Variants in TMEM74 observed in about 807,000 individuals in gnomAD.
TMEM74 encodes transmembrane protein 74.
In TMEM74, 13 loss-of-function variants were observed where a neutral mutation model predicts 18.1. The ratio of observed to expected loss-of-function variants is 0.72; its 90% CI spans 0.47 to 1.14. TMEM74 has a LOEUF of 1.14. TMEM74 is among the 50% of genes most tolerant of loss of function. TMEM74 has a pLI of 0.00. For missense variants in TMEM74, 372 were observed against 375.9 expected, an observed-to-expected ratio of 0.99 and a Z score of 0.09; for synonymous variants, 159 against 146.6, an observed-to-expected ratio of 1.08 and a Z score of -0.61.
intron 1 of TMEM74, among the ~76,000 whole-genome samples, chr8:108,658,559 A>G (rs1055749034): frequency 5.9e-5 from 9 of 152,212 alleles, no homozygotes; most frequent in African/African-American, 2.2e-4. Flanking sequence ...AGGAAAGCCA[A>G]AATATCAAAT....
At chr8:108,660,796 C>T (rs1404357515) in intron 1 of TMEM74, among the ~76,000 whole-genome samples, 1 of 152,048 alleles carries the variant, frequency 6.6e-6, no homozygotes, top group East Asian at 1.9e-4. Flanking sequence ...GCAGGTAACT[C>T]AGTTCACTGG....
chr8:108,636,156 A>G (rs147175095), intron 2 of TMEM74, among the ~76,000 whole-genome samples: 86 of 152,184 alleles, frequency 5.7e-4, no homozygotes, highest in African/African-American at 1.9e-3. Flanking sequence ...GAGTAAGTGA[A>G]TATATGCTGA....
chr8:108,652,016 A>C (rs1159440584), intron 2 of TMEM74, among the ~76,000 whole-genome samples: 1 of 151,558 alleles, frequency 6.6e-6, no homozygotes, highest in East Asian at 1.9e-4. Context: ...ATCATGCCAC[A>C]TTTCAGTCTT....
chr8:108,647,950 A>G (rs1005081700), intron 2 of TMEM74, among the ~76,000 whole-genome samples: 1 of 152,138 alleles, frequency 6.6e-6, no homozygotes, highest in Non-Finnish European at 1.5e-5. Flanking sequence ...AGGGGTAAAC[A>G]ATTTGGCCAG....
chr8:108,738,391 T>C (rs954063240), intron 1 of TMEM74, among the ~76,000 whole-genome samples: 2 of 152,204 alleles, frequency 1.3e-5, no homozygotes, highest in Admixed American at 6.5e-5. Context: ...ACCCTGTTAC[T>C]GGTCTCCTTC....
At chr8:108,763,078 C>T (rs574019427) in intron 1 of TMEM74, among the ~76,000 whole-genome samples, 1 of 152,058 alleles carries the variant, frequency 6.6e-6, no homozygotes, top group African/African-American at 2.4e-5. Flanking sequence ...ACAGTCATTC[C>T]CATATTTCTT....
At chr8:108,684,674 A>G (rs1243884184) in intron 1 of TMEM74, among the ~76,000 whole-genome samples, 2 of 142,752 alleles carry the variant, frequency 1.4e-5, no homozygotes, top group Non-Finnish European at 3.0e-5. Context: ...TGAAGCATTT[A>G]CCCTATGTTT....
chr8:108,742,501 A>C (rs906973228), intron 1 of TMEM74, among the ~76,000 whole-genome samples: 2 of 152,222 alleles, frequency 1.3e-5, no homozygotes, highest in African/African-American at 4.8e-5. Context: ...TTAGATTCTG[A>C]CAGCGAATCT....
At position 108,678,134 on chromosome 8, in the gene TMEM74, A is replaced by G. The variant is rs538220163; in HGVS notation, n.120-22697T>C. ...AACAAAACACTATACCATCAAATGCATTAATACTTACTTATATTTTCAACA... is the reference window on the plus strand; with the variant it reads ...AACAAAACACTATACCATCAAATGCGTTAATACTTACTTATATTTTCAACA... On this transcript the variant is annotated intron_variant and non_coding_transcript_variant, in intron 1 of 3. Coordinates refer to the TMEM74 transcript ENST00000518838. Among the ~76,000 whole-genome samples, 11 of 152,296 alleles carry G rather than the reference A, an allele frequency of 7.2e-5. No individual in the cohort carries two copies. The South Asian group carries it at 1.9e-3, about 26-fold the overall frequency.
At chr8:108,774,787 C>T (rs1438976923), downstream of TMEM74, among the ~76,000 whole-genome samples, 2 of 143,378 alleles carry the variant, frequency 1.4e-5, no homozygotes, top group Admixed American at 7.0e-5. Flanking sequence ...TCTGTAGAGA[C>T]CAGGTCTCAC....
At chr8:108,652,750 A>C in intron 2 of TMEM74, 3 of 521,658 alleles carry the variant, frequency 5.8e-6, no homozygotes, top group Non-Finnish European at 1.1e-5. Context: ...GAAGACAAAC[A>C]CTCAGGACAA....
intron 2 of TMEM74, among the ~76,000 whole-genome samples, chr8:108,625,062 C>T (rs1812481127): frequency 6.6e-6 from 1 of 151,944 alleles, no homozygotes; most frequent in Non-Finnish European, 1.5e-5. Flanking sequence ...AATGAAAACT[C>T]TGGAGGGAGA....
intron 1 of TMEM74, among the ~76,000 whole-genome samples, chr8:108,736,397 T>C (rs1338967627): frequency 1.3e-5 from 2 of 152,142 alleles, no homozygotes; most frequent in African/African-American, 2.4e-5. Context: ...TCATAGGTTG[T>C]TCTCTGATGA....
chr8:108,706,941 G>A (rs1224000983), intron 1 of TMEM74, among the ~76,000 whole-genome samples: 1 of 152,014 alleles, frequency 6.6e-6, no homozygotes, highest in Non-Finnish European at 1.5e-5. Flanking sequence ...TAGAGGCTTT[G>A]GACAGCCATT....
At chr8:108,666,377 G>C (rs1434991446) in intron 1 of TMEM74, among the ~76,000 whole-genome samples, 5 of 152,136 alleles carry the variant, frequency 3.3e-5, no homozygotes, top group Non-Finnish European at 7.4e-5. Flanking sequence ...ATTCCTAAAA[G>C]AATTTAAAAG....
At chr8:108,616,182 G>A (rs1812381717) in intron 2 of TMEM74, among the ~76,000 whole-genome samples, 1 of 152,138 alleles carries the variant, frequency 6.6e-6, no homozygotes, top group African/African-American at 2.4e-5. Context: ...AGAGGGCCGT[G>A]CTCTGGCAGT....
intron 1 of TMEM74, among the ~76,000 whole-genome samples, chr8:108,718,899 G>T (rs1426168162): frequency 6.6e-6 from 1 of 151,698 alleles, no homozygotes; most frequent in Non-Finnish European, 1.5e-5. Context: ...GCAATAAAGA[G>T]ATAATGAATG....
chr8:108,767,362 A>G (rs1814120436), intron 1 of TMEM74, among the ~76,000 whole-genome samples: 1 of 152,194 alleles, frequency 6.6e-6, no homozygotes, highest in African/African-American at 2.4e-5. Flanking sequence ...TCCTTTAATT[A>G]TCATCAAAAA....
chr8:108,723,415 T>A (rs1262173828), intron 1 of TMEM74, among the ~76,000 whole-genome samples: 5 of 151,628 alleles, frequency 3.3e-5, no homozygotes, highest in Admixed American at 6.6e-5. Flanking sequence ...TTTGTAAATC[T>A]AACAACTTAT....
Sources: gnomAD v4.1 joint callset for allele counts (sites outside exome capture counted in the v4.1 genomes callset) on GRCh38, gnomAD v4.1.1 for gene constraint, MANE v1.5 for transcripts, NCBI Gene and HGNC (gene_info 2026-07-23, HGNC 2026-07-21) for gene names.